Variants in INTS14 observed in about 807,000 individuals in gnomAD.
The protein encoded by INTS14 is integrator complex subunit 14, also known as UPF0464 protein C15orf44.
In INTS14, 27 loss-of-function variants were observed where a neutral mutation model predicts 56.9. The ratio of observed to expected loss-of-function variants is 0.47; its 90% CI spans 0.35 to 0.65. INTS14 has a LOEUF of 0.65. INTS14 is among the 30% of genes least tolerant of loss of function. The pLI is 0.00. For synonymous variants in INTS14, 207 were observed against 236.2 expected (o/e 0.88, Z 1.13); for missense variants, 517 against 632.2 (o/e 0.82, Z 1.95).
At chr15:65,589,575 C>A (rs994635546) in intron 9 of INTS14, among the ~76,000 whole-genome samples, 21 of 152,172 alleles carry the variant, frequency 1.4e-4, no homozygotes, top group African/African-American at 4.8e-4. Context: ...GAGCACTGAA[C>A]TTTTTCCTCC....
chr15:65,590,988 G>C (rs1362435443), intron 9 of INTS14, among the ~76,000 whole-genome samples: 1 of 151,966 alleles, frequency 6.6e-6, no homozygotes. Flanking sequence ...CAGGTGTAGA[G>C]ATCCAACTAG....
chr15:65,581,081 T>C (rs1414152849), intron 11 of INTS14, among the ~76,000 whole-genome samples: 1 of 151,900 alleles, frequency 6.6e-6, no homozygotes, highest in African/African-American at 2.4e-5. Flanking sequence ...CCATCTCTAC[T>C]GAAAATACAA....
In INTS14 at chr15:65,579,665, A is replaced by G; in HGVS notation, c.1306-6T>C. 4 of 1,608,770 alleles carry G rather than the reference A, an allele frequency of 2.5e-6. No individual in the cohort carries two copies. Among genetic ancestry groups the G allele is most frequent in the African/African-American group, 1.3e-5 (1 of 74,982 alleles). On this transcript the variant is annotated splice_polypyrimidine_tract_variant and splice_region_variant and intron_variant, in intron 11 of 11. Transcript: ENST00000313182. ...TTTCGCAAACGGTTCAGCTCCTGAAACAAGACAGAAAATCACCAATGCTCC... is the reference window on the plus strand; with the variant it reads ...TTTCGCAAACGGTTCAGCTCCTGAAGCAAGACAGAAAATCACCAATGCTCC...
chr15:65,609,664 TCTC>T (rs1303276688), intron 1 of INTS14, among the ~76,000 whole-genome samples: 1 of 152,154 alleles, frequency 6.6e-6, no homozygotes, highest in South Asian at 2.1e-4. Flanking sequence ...CATTTCCTCT[TCTC>T]CTCATTCAAG....
intron 8 of INTS14, among the ~76,000 whole-genome samples, chr15:65,592,750 T>G (rs1334122512): frequency 6.6e-6 from 1 of 152,188 alleles, no homozygotes; most frequent in Non-Finnish European, 1.5e-5. Context: ...TCTTTTTTTT[T>G]GTTTCGTTCT....
At chr15:65,605,912 A>T (rs1053992754) in intron 2 of INTS14, among the ~76,000 whole-genome samples, 19 of 152,320 alleles carry the variant, frequency 1.2e-4, no homozygotes, top group South Asian at 6.2e-4. Context: ...TTTAAAAAAA[A>T]TTTTTTAAGT....
At chr15:65,582,044 C>T (rs750161429) in intron 10 of INTS14, 25 bp from the exon 11 acceptor site, 1 of 1,542,378 alleles carries the variant, frequency 6.5e-7, no homozygotes, top group South Asian at 1.2e-5. Context: ...AAAAAAAATC[C>T]AACATTAGAA....
intron 10 of INTS14, 98 bp from the exon 11 acceptor site, chr15:65,582,117 T>C: frequency 9.5e-7 from 1 of 1,047,314 alleles, no homozygotes; most frequent in Non-Finnish European, 1.4e-6. Flanking sequence ...GAGATGAAAA[T>C]GAGAACACAG....
chr15:65,587,797 T>C (rs746434872), intron 9 of INTS14, among the ~76,000 whole-genome samples: 5 of 151,906 alleles, frequency 3.3e-5, no homozygotes, highest in Non-Finnish European at 7.4e-5. Flanking sequence ...CTTGGCAACA[T>C]AGTGAGATCT....
chr15:65,600,792 T>C (rs990187803), intron 3 of INTS14, among the ~76,000 whole-genome samples: 3 of 152,198 alleles, frequency 2.0e-5, no homozygotes, highest in African/African-American at 7.2e-5. Context: ...CAAAACTCAG[T>C]GAACTGTATA....
intron 2 of INTS14, among the ~76,000 whole-genome samples, chr15:65,606,902 ACTT>A: frequency 6.6e-6 from 1 of 152,316 alleles, no homozygotes; most frequent in Admixed American, 6.5e-5. Context: ...TGAGATGCTC[ACTT>A]TTCCACAGAG....
rs371096322 is a variant in INTS14 at position 65,582,022 on chromosome 15, A to G, written c.1240-3T>C. 2 of 1,579,670 alleles carry G rather than the reference A, an allele frequency of 1.3e-6. No homozygotes were observed. Among genetic ancestry groups the G allele is most frequent in the South Asian group, 1.2e-5 (1 of 85,498 alleles). ...CTTAAAATCTTCTGTACATCTGTCT[A>G]TTAAGGGTAAAAAAAAAAATCCAAC... On this transcript the variant is annotated splice_region_variant and splice_polypyrimidine_tract_variant and intron_variant, in intron 10 of 11. Transcript: ENST00000313182.
At chr15:65,599,665 G>T in intron 4 of INTS14, 109 bp downstream of exon 4, 3 of 1,184,722 alleles carry the variant, frequency 2.5e-6, no homozygotes, top group Non-Finnish European at 3.4e-6. Context: ...GAAACCAATG[G>T]AGTTCAATGC....
At chr15:65,597,522 T>G (rs1029553999) in intron 6 of INTS14, among the ~76,000 whole-genome samples, 2 of 152,250 alleles carry the variant, frequency 1.3e-5, no homozygotes, top group Non-Finnish European at 2.9e-5. Flanking sequence ...CAGTTAAGCA[T>G]AGTATTGGCA....
intron 4 of INTS14, 105 bp from the exon 5 acceptor site, chr15:65,599,095 C>G: frequency 1.4e-6 from 1 of 712,778 alleles, no homozygotes; most frequent in East Asian, 2.8e-5. Flanking sequence ...CAATAAATAA[C>G]AGATGATTTT....
intron 2 of INTS14, 143 bp from the exon 3 acceptor site, chr15:65,605,379 A>T: frequency 3.2e-6 from 2 of 623,412 alleles, no homozygotes; most frequent in African/African-American, 1.8e-5. Flanking sequence ...TCTTAAAGAA[A>T]AATGCTAGAA....
chr15:65,593,334 A>G, intron 8 of INTS14, 94 bp downstream of exon 8: 1 of 1,422,274 alleles, frequency 7.0e-7, no homozygotes. Context: ...GGTGACAAGG[A>G]CCTTTCTATT....
In INTS14 at chr15:65,598,965, C is replaced by T; in HGVS notation, c.512G>A (p.Cys171Tyr). The change falls in exon 5 of 12, where the codon TGC (cysteine) becomes TAC (tyrosine). Residue 171 changes from cysteine to tyrosine, a missense_variant. Transcript: ENST00000313182. ...GTTTAAATCTATGAGACGTTCAAGG[C>T]ATTCCAAGGAATCGGTGCTCTGGAG... ...EELQSTDSLE[C>Y]LERLIDLNNG... The T allele has an allele frequency of 6.2e-7, 1 of 1,613,846 alleles. No homozygotes were observed. Among genetic ancestry groups the T allele is most frequent in the Non-Finnish European group, 8.5e-7 (1 of 1,179,892 alleles).
Position 65,599,910 on chromosome 15 carries a change from C to A in INTS14, c.350G>T (p.Gly117Val). The change falls in exon 4 of 12, where the codon GGC (glycine) becomes GTC (valine). Residue 117 changes from glycine to valine, a missense_variant. By Grantham distance (109) the Gly-to-Val change is moderately radical. Coordinates refer to ENST00000313182, the MANE Select transcript of INTS14 (RefSeq NM_001394796.1). ...IPCQVVLVTD[G>V]CLGIGRGSLR... ...TGACCCTCTACCAATGCCAAGACAG[C>A]CGTCTGTCACCAGGACAACCTGTTT... The A allele has an allele frequency of 6.2e-7, 1 of 1,612,828 alleles. No individual in the cohort carries two copies. The highest frequency in any genetic ancestry group is 1.3e-5 in the African/African-American group (1 of 74,950).
Sources: gnomAD v4.1 joint callset for allele counts (sites outside exome capture counted in the v4.1 genomes callset) on GRCh38, gnomAD v4.1.1 for gene constraint, MANE v1.5 for transcripts, NCBI Gene and HGNC (gene_info 2026-07-23, HGNC 2026-07-21) for gene names.